Variants in TPCN1 observed in about 807,000 individuals in gnomAD.
TPCN1 encodes the protein two pore segment channel 1.
Under a neutral mutation model 108.8 loss-of-function variants are expected in TPCN1, and 52 were observed. The ratio of observed to expected loss-of-function variants is 0.48; its 90% CI spans 0.38 to 0.60. The LOEUF (loss-of-function observed/expected upper bound fraction) is 0.60, where lower values mean the gene tolerates loss of function less well. Ranked by LOEUF, TPCN1 falls within the 20% of genes least tolerant of loss-of-function variation. The pLI is 0.00. For synonymous variants in TPCN1, 446 were observed against 433.7 expected (o/e 1.03, Z -0.35); for missense variants, 806 against 1,072.8 (o/e 0.75, Z 3.47).
At chr12:113,286,907 T>C in intron 18 of TPCN1, 80 bp from the exon 19 acceptor site, 1 of 967,702 alleles carries the variant, frequency 1.0e-6, no homozygotes, top group Non-Finnish European at 1.6e-6. Context: ...GGAGGGTGGC[T>C]GTGCACAGGG....
intron 10 of TPCN1, among the ~76,000 whole-genome samples, chr12:113,275,775 G>A (rs1033436178): frequency 4.0e-5 from 6 of 151,146 alleles, no homozygotes; most frequent in Admixed American, 2.0e-4. Context: ...GGGGTTTCGC[G>A]CTTTGTTAGC....
chr12:113,234,647 A>T (rs1013982867), intron 2 of TPCN1, among the ~76,000 whole-genome samples: 2 of 152,186 alleles, frequency 1.3e-5, no homozygotes, highest in Non-Finnish European at 2.9e-5. Context: ...TACCCCAGTC[A>T]TGAGGCTCTG....
intron 4 of TPCN1, among the ~76,000 whole-genome samples, chr12:113,267,442 A>G (rs1450371829): frequency 6.7e-6 from 1 of 150,326 alleles, no homozygotes; most frequent in African/African-American, 2.5e-5. Flanking sequence ...TCTGTTGCCC[A>G]GGCTGGTGTG....
chr12:113,278,743 C>A, intron 13 of TPCN1, 29 bp from the exon 14 acceptor site: 1 of 1,609,476 alleles, frequency 6.2e-7, no homozygotes, highest in Non-Finnish European at 8.5e-7. Flanking sequence ...GGCCCTGACA[C>A]CCTCCCTCTT....
intron 2 of TPCN1, among the ~76,000 whole-genome samples, chr12:113,237,183 G>T (rs1300490360): frequency 6.6e-6 from 1 of 152,146 alleles, no homozygotes; most frequent in Non-Finnish European, 1.5e-5. Context: ...GGTCAGCCCT[G>T]AATAGGGGTT....
At chr12:113,238,975 T>C (rs1953999326) in intron 2 of TPCN1, among the ~76,000 whole-genome samples, 1 of 151,812 alleles carries the variant, frequency 6.6e-6, no homozygotes, top group African/African-American at 2.4e-5. Flanking sequence ...TAAAAAGAAG[T>C]TAAAAAAAGT....
At position 113,272,756 on chromosome 12, in the gene TPCN1, A is replaced by C. The variant is rs1593168824; in HGVS notation, c.783+64A>C. The C allele has an allele frequency of 3.9e-6, 6 of 1,525,954 alleles. No homozygotes were observed. In the South Asian group the frequency reaches 6.7e-5, roughly 17 times the overall value. The allele number at this position is 1,525,954 out of a possible 1,614,324, so 94.5% of individuals were successfully genotyped here. A position where few individuals can be genotyped will look rare whatever the true frequency, so the allele number is the denominator to read the frequency against. The stretch of plus-strand genomic sequence containing the variant: ...GAGGGCTTTTCCCTCAGACAGGGTC[A>C]CCGGCGTGACCCTGTGGCCATATGG... On this transcript the variant is annotated intron_variant, in intron 8 of 27. Coordinates refer to ENST00000335509, the MANE Select transcript of TPCN1 (RefSeq NM_017901.6). This position sits in a 1 kb window ranked among gnomAD's most constrained non-coding sequence, Gnocchi z 4.1.
chr12:113,266,147 G>A lies in TPCN1; in HGVS notation c.238-33G>A, dbSNP rs746786858. On this transcript the variant is annotated intron_variant, in intron 3 of 27. Transcript: ENST00000335509. This position sits in a 1 kb window ranked among gnomAD's most constrained non-coding sequence, Gnocchi z 4.2. Reference sequence around the variant, plus strand: ...TCTTTGGCGTTGGATGGGTCTCCAGGCTTACATGCCCACACTACTCTCATC... The same window carrying A: ...TCTTTGGCGTTGGATGGGTCTCCAGACTTACATGCCCACACTACTCTCATC... 2.5e-6 allele frequency: 4 copies of A among 1,610,558 alleles called. No homozygotes were observed. The highest frequency in any genetic ancestry group is 3.4e-6 in the Non-Finnish European group (4 of 1,177,896).
At chr12:113,244,521 A>G in intron 2 of TPCN1, 1 of 984,748 alleles carries the variant, frequency 1.0e-6, no homozygotes, top group Non-Finnish European at 1.2e-6. Context: ...GTAGCATCTC[A>G]TGCTAGATTT....
rs750493755 is a variant in TPCN1, at chr12:113,277,248, C to T, written c.1068C>T (p.Ala356=). ...TCTTCCCTCTCCCCCAGAGGCCTGC[C>T]GGCATCTCCTACAGGCAGTTTGAAG... ...YRLLISQRRP[A]GISYRQFEGL... Residue 356 remains alanine (A), a synonymous_variant, in exon 12 of 28, where the codon GCC becomes GCT. Transcript: ENST00000335509. 18 of 1,613,094 alleles carry T rather than the reference C, an allele frequency of 1.1e-5. No homozygotes were observed. The highest frequency in any genetic ancestry group is 2.7e-5 in the African/African-American group (2 of 75,040).
Position 113,268,768 on chromosome 12 carries a change from C to T in TPCN1, c.555C>T (p.Val185=), listed in dbSNP as rs773024670. The T allele has an allele frequency of 6.2e-6, 10 of 1,613,802 alleles. No homozygotes were observed. Among genetic ancestry groups the T allele is most frequent in the South Asian group, 1.1e-5 (1 of 91,028 alleles). Residue 185 remains valine (V), a synonymous_variant, in exon 6 of 28, where the codon GTC becomes GTT. Coordinates refer to ENST00000335509, the MANE Select transcript of TPCN1 (RefSeq NM_017901.6). The surrounding 1 kb of genome is among the most constrained non-coding windows in gnomAD (Gnocchi z 7.3). ...VKTSVLVVQF[V]EAIVVLVRQM... is the part of the protein sequence containing the mutation. The stretch of plus-strand genomic sequence containing the variant: ...CCTCGGTGCTGGTGGTGCAGTTTGT[C>T]GAGGCCATCGTGGTGTTGGTACGGC...
chr12:113,272,981 G>A lies in TPCN1; in HGVS notation c.784-251G>A, dbSNP rs1345187007. On this transcript the variant is annotated intron_variant, in intron 8 of 27. Coordinates refer to ENST00000335509, the MANE Select transcript of TPCN1 (RefSeq NM_017901.6). This position sits in a 1 kb window ranked among gnomAD's most constrained non-coding sequence, Gnocchi z 4.1. ...AGCAGTGGGGGAGAGCCAGGCGAATGGCCCAGACATGTGACTCCCTAGAAA... is the reference window on the plus strand; with the variant it reads ...AGCAGTGGGGGAGAGCCAGGCGAATAGCCCAGACATGTGACTCCCTAGAAA... 6.6e-6 allele frequency among the ~76,000 whole-genome samples: 1 copy of A among 152,216 alleles called. No homozygotes were observed. The highest frequency in any genetic ancestry group is 6.5e-5 in the Admixed American group (1 of 15,278).
chr12:113,261,596 T>G (rs1160487576), intron 3 of TPCN1, among the ~76,000 whole-genome samples: 4 of 151,852 alleles, frequency 2.6e-5, no homozygotes, highest in African/African-American at 7.3e-5. Flanking sequence ...GCCCGGCTAA[T>G]TTTTGTATTT....
intron 23 of TPCN1, 145 bp downstream of exon 23, chr12:113,291,143 G>A: frequency 1.2e-6 from 1 of 820,834 alleles, no homozygotes; most frequent in Non-Finnish European, 2.0e-6. Context: ...TCAGTGGGGA[G>A]GCCACAGGAT....
chr12:113,246,541 C>A (rs898652014), intron 2 of TPCN1, among the ~76,000 whole-genome samples: 4 of 152,218 alleles, frequency 2.6e-5, no homozygotes, highest in Admixed American at 1.3e-4. Flanking sequence ...TCCTGCCCGC[C>A]TGCCCACGCT....
intron 2 of TPCN1, among the ~76,000 whole-genome samples, chr12:113,251,551 G>A (rs376005173): frequency 3.3e-5 from 5 of 152,242 alleles, no homozygotes; most frequent in Non-Finnish European, 7.3e-5. Context: ...GCCACGGGGC[G>A]CATGTTTTGT....
rs991690124 is a variant in TPCN1 at position 113,223,487 on chromosome 12, T to C, written c.-126+1861T>C. 3.4e-5 allele frequency among the ~76,000 whole-genome samples: 5 copies of C among 148,862 alleles called. No homozygotes were observed. The South Asian group carries it at 1.1e-3, about 32-fold the overall frequency. On this transcript the variant is annotated intron_variant, in intron 1 of 27. Transcript: ENST00000335509. ...CAGCGGAAACGGGAATGTGCATAAATAGGAGCTGTAACAGGCTAGCTCGGA... is the reference window on the plus strand; with the variant it reads ...CAGCGGAAACGGGAATGTGCATAAACAGGAGCTGTAACAGGCTAGCTCGGA...
chr12:113,292,648 T>A lies in TPCN1; in HGVS notation c.2114-286T>A, dbSNP rs1477693647. The A allele has an allele frequency of 2.7e-5, 9 of 335,956 alleles. No individual in the cohort carries two copies. In the Admixed American group the frequency reaches 3.2e-4, roughly 12 times the overall value. The allele number at this position is 335,956 out of a possible 1,614,324, so 20.8% of individuals were successfully genotyped here. On this transcript the variant is annotated intron_variant, in intron 25 of 27. Transcript: ENST00000335509. ...ACACTTGTTACCTCTCATCCTCAGA[T>A]CTCTGTGCTATCAGACCATCTGACC...
chr12:113,258,034 G>A (rs1343878788), intron 2 of TPCN1, among the ~76,000 whole-genome samples: 2 of 152,208 alleles, frequency 1.3e-5, no homozygotes, highest in Non-Finnish European at 2.9e-5. Flanking sequence ...GGGCAAGGAG[G>A]CACGGGAGGG....
Sources: gnomAD v4.1 joint callset for allele counts (sites outside exome capture counted in the v4.1 genomes callset) on GRCh38, gnomAD v4.1.1 for gene constraint, Gnocchi (gnomAD v3.1) non-coding constraint, MANE v1.5 for transcripts, NCBI Gene and HGNC (gene_info 2026-07-23, HGNC 2026-07-21) for gene names.